PTK2: variants seen among roughly 807,000 people sequenced by gnomAD.
PTK2 encodes the protein protein tyrosine kinase 2.
Under a neutral mutation model 150.1 loss-of-function variants are expected in PTK2, and 45 were observed. The observed-to-expected ratio is 0.30, with a 90% CI of 0.24 to 0.38. PTK2 has a LOEUF of 0.38. Among genes scored for constraint, PTK2 ranks in the 10% least tolerant of loss-of-function variants. The probability of loss-of-function intolerance (pLI) is 1.00; values close to 1 mark genes in which losing one functional copy is unlikely to be tolerated. For missense variants in PTK2, 919 were observed against 1,307.3 expected (o/e 0.70, Z 4.58); for synonymous variants, 432 against 449.2 (o/e 0.96, Z 0.48).
chr8:140,924,457 A>G (rs2100168702), intron 2 of PTK2, among the ~76,000 whole-genome samples: 1 of 152,096 alleles, frequency 6.6e-6, no homozygotes, highest in Admixed American at 6.5e-5. Flanking sequence ...TTCTGTACAT[A>G]TTGTCTCCAG....
intron 19 of PTK2, among the ~76,000 whole-genome samples, chr8:140,744,437 T>A (rs1233769251): frequency 1.3e-5 from 2 of 152,196 alleles, no homozygotes; most frequent in African/African-American, 4.8e-5. Context: ...AGCCATGGCA[T>A]CTCACTCTGA....
rs977305013 is a variant in PTK2, at chr8:140,992,244, A to G, written c.-122+8881T>C. Among the ~76,000 whole-genome samples, 5 of 150,486 alleles carry G rather than the reference A, an allele frequency of 3.3e-5. No individual in the cohort carries two copies. In the East Asian group the frequency reaches 9.8e-4, roughly 30 times the overall value. ...GAGGCAGAGGTTGCAGTGAGCCAAG[A>G]CTGCGCCACTGCCCTCCAGCCTGGG... On this transcript the variant is annotated intron_variant, in intron 1 of 31. Transcript: ENST00000522684.
chr8:140,913,627 A>C (rs2100164085), intron 2 of PTK2, among the ~76,000 whole-genome samples: 1 of 152,058 alleles, frequency 6.6e-6, no homozygotes, highest in African/African-American at 2.4e-5. Context: ...AAAAATTATT[A>C]TTTACAATAT....
chr8:140,850,339 T>A (rs1409803263), intron 5 of PTK2, among the ~76,000 whole-genome samples: 1 of 151,784 alleles, frequency 6.6e-6, no homozygotes. Context: ...GGCGGGAGAA[T>A]TGCTTGAACC....
chr8:140,679,240 G>A (rs1366595106), intron 27 of PTK2, among the ~76,000 whole-genome samples: 2 of 151,706 alleles, frequency 1.3e-5, no homozygotes. Context: ...GGCCAGGCTG[G>A]TCTTGAACTC....
intron 30 of PTK2, among the ~76,000 whole-genome samples, chr8:140,665,627 A>C (rs992062414): frequency 1.3e-5 from 2 of 152,244 alleles, no homozygotes; most frequent in African/African-American, 4.8e-5. Context: ...CATTACTGTC[A>C]TACTTATGAG....
rs564708396 is a variant in PTK2, at chr8:140,899,482, C to T, written c.-32-8713G>A. ...TTGAATCATGAAGAAACAAGAAAAC[C>T]TCAATAAGCCAATTGATGAATTTTA... On this transcript the variant is annotated intron_variant, in intron 2 of 31. Coordinates refer to ENST00000522684, the Ensembl canonical transcript of PTK2. Among the ~76,000 whole-genome samples, 152 of 152,076 alleles carry T rather than the reference C, an allele frequency of 1.0e-3. 3 individuals carry two copies. Among genetic ancestry groups the T allele is most frequent in the Non-Finnish European group, 9.3e-4 (63 of 67,976 alleles).
At chr8:140,662,742 G>A in intron 31 of PTK2, 1 of 591,204 alleles carries the variant, frequency 1.7e-6, no homozygotes, top group Non-Finnish European at 3.2e-6. Context: ...GTATGTCTCT[G>A]GGTATGATGC....
At position 140,746,754 on chromosome 8, in the gene PTK2, C is replaced by T. The variant is rs2100059020; in HGVS notation, c.1518+6G>A. The T allele has an allele frequency of 3.1e-6, 5 of 1,593,638 alleles. No homozygotes were observed. The highest frequency in any genetic ancestry group is 1.7e-4 in the Middle Eastern group (1 of 5,988). On this transcript the variant is annotated splice_donor_region_variant and intron_variant, in intron 18 of 31. Coordinates refer to ENST00000522684, the Ensembl canonical transcript of PTK2. ...TCCAGAAGGTAAGATTTGGGGATCA[C>T]AGTACCTCTCCAAGTGTGCACAGCT...
intron 14 of PTK2, among the ~76,000 whole-genome samples, chr8:140,778,151 T>C (rs1051251827): frequency 2.0e-5 from 3 of 152,114 alleles, no homozygotes; most frequent in African/African-American, 4.8e-5. Flanking sequence ...TAACAAGTGA[T>C]AGAGGGTAGA....
chr8:140,764,596 C>T (rs1232993582), intron 14 of PTK2: 2 of 426,014 alleles, frequency 4.7e-6, no homozygotes, highest in African/African-American at 4.0e-5. Flanking sequence ...AACCAATCTA[C>T]CAACCGCAAA....
chr8:140,914,045 A>C (rs1410530758), intron 2 of PTK2, among the ~76,000 whole-genome samples: 1 of 152,194 alleles, frequency 6.6e-6, no homozygotes, highest in Non-Finnish European at 1.5e-5. Context: ...AAAACACTTA[A>C]AATGACTCAT....
intron 7 of PTK2, among the ~76,000 whole-genome samples, chr8:140,838,778 G>T (rs371051700): frequency 2.6e-5 from 4 of 152,104 alleles, no homozygotes; most frequent in East Asian, 1.9e-4. Context: ...AGGCCGAGGC[G>T]GGCGGATCAC....
In PTK2 at chr8:140,793,348, A is replaced by C; in HGVS notation, c.1124+6T>G. 6.2e-7 allele frequency: 1 copy of C among 1,608,648 alleles called. No individual in the cohort carries two copies. Among genetic ancestry groups the C allele is most frequent in the African/African-American group, 1.3e-5 (1 of 74,748 alleles). ...AAAATAACAGTACAAAAAAAGCAGT[A>C]CTTACTTTGGTATTGATGGCAAAGC... On this transcript the variant is annotated splice_donor_region_variant and intron_variant, in intron 13 of 31. Transcript: ENST00000522684.
intron 2 of PTK2, among the ~76,000 whole-genome samples, chr8:140,921,703 G>A (rs941113830): frequency 3.3e-5 from 5 of 152,258 alleles, no homozygotes; most frequent in Non-Finnish European, 7.4e-5. Flanking sequence ...TTAGCTTAGG[G>A]AATATTGAGG....
intron 20 of PTK2, among the ~76,000 whole-genome samples, chr8:140,740,271 T>A (rs1250111743): frequency 6.6e-6 from 1 of 152,180 alleles, no homozygotes; most frequent in Non-Finnish European, 1.5e-5. Flanking sequence ...AGTGAATACA[T>A]GCCAAGTGTC....
Position 140,674,486 on chromosome 8 carries a change from T to C in PTK2, c.2603-82A>G, listed in dbSNP as rs578079730. ...TGGGGGCAGTGGCTCATGCCTATAA[T>C]CTCAGCACTTTGGGAGGCTGAAGCG... is the stretch of plus-strand genomic sequence containing the variant. On this transcript the variant is annotated intron_variant, in intron 28 of 31. Coordinates refer to ENST00000522684, the Ensembl canonical transcript of PTK2. 1.8e-4 allele frequency: 225 copies of C among 1,276,220 alleles called. 2 individuals carry two copies. The South Asian group carries it at 2.8e-3, about 16-fold the overall frequency. 79.1% of individuals were successfully genotyped at this position (1,276,220 alleles called of 1,614,324 possible). A position where few individuals can be genotyped will look rare whatever the true frequency, so the allele number is the denominator to read the frequency against.
chr8:140,954,098 C>T (rs1451887504), intron 1 of PTK2, among the ~76,000 whole-genome samples: 1 of 152,078 alleles, frequency 6.6e-6, no homozygotes, highest in Non-Finnish European at 1.5e-5. Context: ...CCTCAGCCTC[C>T]CGAGTAGCTG....
chr8:140,969,143 T>C (rs2100186332), intron 1 of PTK2, among the ~76,000 whole-genome samples: 1 of 152,090 alleles, frequency 6.6e-6, no homozygotes, highest in South Asian at 2.1e-4. Flanking sequence ...GAGGGAGGAA[T>C]AGAATTCAAA....
Sources: gnomAD v4.1 joint callset for allele counts (sites outside exome capture counted in the v4.1 genomes callset) on GRCh38, gnomAD v4.1.1 for gene constraint, MANE v1.5 for transcripts, NCBI Gene and HGNC (gene_info 2026-07-23, HGNC 2026-07-21) for gene names.